RYR3: variants seen among roughly 807,000 people sequenced by gnomAD.
The protein encoded by RYR3 is brain ryanodine receptor-calcium release channel.
A neutral mutation model predicts 584.3 loss-of-function variants in RYR3; 207 were observed. The observed-to-expected ratio is 0.35, with a 90% CI of 0.32 to 0.40. RYR3 has a LOEUF of 0.40. Among genes scored for constraint, RYR3 ranks in the 10% least tolerant of loss-of-function variants. The pLI is 1.00. For missense variants in RYR3, 5,616 were observed against 6,089.2 expected (o/e 0.92, Z 2.59); for synonymous variants, 2,416 against 2,248.5 (o/e 1.07, Z -2.11).
chr15:33,579,885 TG>T (rs1491248369), intron 12 of RYR3, 90 bp from the exon 13 acceptor site: 1 of 956,888 alleles, frequency 1.0e-6, no homozygotes, highest in Non-Finnish European at 1.5e-6. Context: ...TGGTGCACCG[TG>T]GGGGGCTGTT....
chr15:33,339,089 T>C (rs1418098623), intron 1 of RYR3, among the ~76,000 whole-genome samples: 2 of 152,190 alleles, frequency 1.3e-5, no homozygotes, highest in African/African-American at 2.4e-5. Flanking sequence ...TGTTAATATA[T>C]CATGTATGAC....
chr15:33,514,436 T>G (rs911801794), intron 3 of RYR3, among the ~76,000 whole-genome samples: 1 of 152,064 alleles, frequency 6.6e-6, no homozygotes, highest in Non-Finnish European at 1.5e-5. Context: ...CACGGAGGTT[T>G]CTTCTAAGGA....
At chr15:33,862,116 CCTGTAA>C (rs1385628753) in intron 102 of RYR3, among the ~76,000 whole-genome samples, 1 of 152,000 alleles carries the variant, frequency 6.6e-6, no homozygotes, top group Non-Finnish European at 1.5e-5. Flanking sequence ...TAACTCAGAC[CCTGTAA>C]CTGTTCATTT....
intron 1 of RYR3, among the ~76,000 whole-genome samples, chr15:33,382,318 G>GTTTTT (rs1567133176): frequency 2.5e-4 from 26 of 103,252 alleles, no homozygotes; most frequent in African/African-American, 5.8e-4. Context: ...TTTAAAAGTG[G>GTTTTT]CTTTTTTTTT....
Position 33,637,899 on chromosome 15 carries a change from C to T in RYR3, c.3556+1349C>T, listed in dbSNP as rs1452129024. Among the ~76,000 whole-genome samples, 9 of 152,098 alleles carry T rather than the reference C, an allele frequency of 5.9e-5. No individual in the cohort carries two copies. In the Middle Eastern group the frequency reaches 0.014, roughly 230 times the overall value. ...CATGTGCCATGTTGGTGTGCTGCAC[C>T]CATTAACTCATCATTTAACATTAGC... On this transcript the variant is annotated intron_variant, in intron 27 of 103. Transcript: ENST00000634891.
chr15:33,853,757 A>G (rs2079349847), intron 96 of RYR3, 75 bp downstream of exon 96: 11 of 1,543,478 alleles, frequency 7.1e-6, no homozygotes, highest in Non-Finnish European at 9.6e-6. Context: ...GGAAAAAATC[A>G]CAACCGTGTC....
At chr15:33,691,541 G>T (rs939139986) in intron 38 of RYR3, among the ~76,000 whole-genome samples, 1 of 151,350 alleles carries the variant, frequency 6.6e-6, no homozygotes, top group Non-Finnish European at 1.5e-5. Context: ...TTTTTCATTT[G>T]TTCAAGTTAA....
At chr15:33,858,128 A>C in intron 99 of RYR3, 2 of 618,246 alleles carry the variant, frequency 3.2e-6, no homozygotes, top group South Asian at 4.3e-5. Context: ...TCATTACCAC[A>C]CATCTAAGCC....
intron 38 of RYR3, among the ~76,000 whole-genome samples, chr15:33,695,225 C>G (rs1319418669): frequency 6.6e-6 from 1 of 152,208 alleles, no homozygotes; most frequent in East Asian, 1.9e-4. Flanking sequence ...TGTCTCACCT[C>G]TGTCATCTTC....
At chr15:33,516,679 GTC>G (rs2053552202) in intron 3 of RYR3, among the ~76,000 whole-genome samples, 1 of 152,040 alleles carries the variant, frequency 6.6e-6, no homozygotes, top group African/African-American at 2.4e-5. Flanking sequence ...TAGGAAAAGA[GTC>G]TCTGGCCAAA....
In RYR3 at chr15:33,314,675, G is replaced by A. The variant is rs944394697; in HGVS notation, c.51+3579G>A. ...CACGCCTGTAATCCCAGCACTTTGG[G>A]AGGCCGAGGCGGGTGGATCACGAGG... On this transcript the variant is annotated intron_variant, in intron 1 of 103. Transcript: ENST00000634891. Among the ~76,000 whole-genome samples, 11 of 152,312 alleles carry A rather than the reference G, an allele frequency of 7.2e-5. No homozygotes were observed. The East Asian group carries it at 2.1e-3, about 29-fold the overall frequency.
chr15:33,372,669 C>G (rs2040429757), intron 1 of RYR3, among the ~76,000 whole-genome samples: 1 of 151,770 alleles, frequency 6.6e-6, no homozygotes, highest in East Asian at 2.0e-4. Context: ...CCGGCCCCAG[C>G]TAATTTTTTG....
At chr15:33,394,994 G>A (rs1014760704) in intron 1 of RYR3, among the ~76,000 whole-genome samples, 3 of 152,084 alleles carry the variant, frequency 2.0e-5, no homozygotes, top group Non-Finnish European at 4.4e-5. Flanking sequence ...ATCTTAGAGG[G>A]TCTGACTTAA....
At chr15:33,320,625 G>A (rs1339963340) in intron 1 of RYR3, among the ~76,000 whole-genome samples, 1 of 152,154 alleles carries the variant, frequency 6.6e-6, no homozygotes, top group Non-Finnish European at 1.5e-5. Context: ...AAATTTTCCT[G>A]TTGAAAGGTA....
chr15:33,341,413 T>C (rs1195997506), intron 1 of RYR3, among the ~76,000 whole-genome samples: 1 of 152,152 alleles, frequency 6.6e-6, no homozygotes, highest in Non-Finnish European at 1.5e-5. Flanking sequence ...AACACCACAC[T>C]TTGAGAACCA....
At chr15:33,487,971 A>G (rs1431510066) in intron 2 of RYR3, among the ~76,000 whole-genome samples, 1 of 152,240 alleles carries the variant, frequency 6.6e-6, no homozygotes, top group Non-Finnish European at 1.5e-5. Flanking sequence ...ATCTAAAGAA[A>G]TAGCATAGAA....
At chr15:33,427,694 C>T (rs1255579903) in intron 1 of RYR3, among the ~76,000 whole-genome samples, 1 of 152,174 alleles carries the variant, frequency 6.6e-6, no homozygotes, top group Non-Finnish European at 1.5e-5. Flanking sequence ...GTGCAAAGCT[C>T]CCCTCACATC....
chr15:33,798,027 T>G (rs2152927492), intron 67 of RYR3, among the ~76,000 whole-genome samples: 1 of 152,316 alleles, frequency 6.6e-6, no homozygotes, highest in Non-Finnish European at 1.5e-5. Context: ...CAAAGATAGT[T>G]GAGCTAGGGC....
intron 47 of RYR3, among the ~76,000 whole-genome samples, 187 bp from the exon 48 acceptor site, chr15:33,731,286 AT>A (rs1045407489): frequency 6.6e-6 from 1 of 150,690 alleles, no homozygotes; most frequent in East Asian, 1.9e-4. Context: ...TTTTAACTTG[AT>A]TTTTTTTCAT....
Sources: gnomAD v4.1 joint callset for allele counts (sites outside exome capture counted in the v4.1 genomes callset) on GRCh38, gnomAD v4.1.1 for gene constraint, MANE v1.5 for transcripts, NCBI Gene and HGNC (gene_info 2026-07-23, HGNC 2026-07-21) for gene names.